Variants in RNF135 observed in about 807,000 individuals in gnomAD.
The protein encoded by RNF135 is E3 ubiquitin-protein ligase RNF135.
In RNF135, 46 loss-of-function variants were observed where a neutral mutation model predicts 41.9. The ratio of observed to expected loss-of-function variants is 1.10; its 90% CI spans 0.87 to 1.40. The LOEUF (loss-of-function observed/expected upper bound fraction) is 1.40. Ranked by LOEUF, RNF135 falls within the 40% of genes most tolerant of loss-of-function variation. The probability of loss-of-function intolerance (pLI) is 0.00; values close to 1 mark genes in which losing one functional copy is unlikely to be tolerated. For missense variants in RNF135, 539 were observed against 549.8 expected (o/e 0.98, Z 0.20); for synonymous variants, 238 against 223.8 (o/e 1.06, Z -0.57).
At chr17:30,983,523 T>C (rs1022400149) in intron 1 of RNF135, among the ~76,000 whole-genome samples, 2 of 150,740 alleles carry the variant, frequency 1.3e-5, no homozygotes, top group Non-Finnish European at 3.0e-5. Context: ...CTGGTGAATT[T>C]TTGTATTTTT....
At chr17:30,983,335 A>T (rs1567743111) in intron 1 of RNF135, among the ~76,000 whole-genome samples, 3 of 25,768 alleles carry the variant, frequency 1.2e-4, no homozygotes, top group African/African-American at 2.0e-4. Flanking sequence ...ATATATATAT[A>T]TATATATATA....
chr17:30,995,816 C>T (rs907059197), intron 3 of RNF135, among the ~76,000 whole-genome samples: 4 of 150,766 alleles, frequency 2.7e-5, no homozygotes, highest in Non-Finnish European at 4.4e-5. Context: ...TGCAGTGGTG[C>T]GATCTTGGCT....
chr17:30,976,852 G>A (rs911946029), intron 1 of RNF135, among the ~76,000 whole-genome samples: 1 of 152,118 alleles, frequency 6.6e-6, no homozygotes, highest in Non-Finnish European at 1.5e-5. Context: ...TGTGTTTCTT[G>A]TAGGGAATAG....
chr17:30,988,194 A>G (rs981304125), intron 3 of RNF135, 88 bp downstream of exon 3: 5 of 1,236,182 alleles, frequency 4.0e-6, no homozygotes, highest in East Asian at 4.9e-5. Flanking sequence ...CTCTGGGGAT[A>G]GGATCCCAGA....
At chr17:30,971,847 G>A in intron 1 of RNF135, 1 of 439,330 alleles carries the variant, frequency 2.3e-6, no homozygotes, top group Non-Finnish European at 3.1e-6. Flanking sequence ...GAGTGCAATG[G>A]CGTGCGTGAT....
At chr17:30,998,639 T>A (rs181258188) in intron 4 of RNF135, 23 bp from the exon 5 acceptor site, 1 of 1,611,298 alleles carries the variant, frequency 6.2e-7, no homozygotes, top group East Asian at 2.2e-5. Flanking sequence ...CATGTTCTTA[T>A]TGTTCTTTTT....
the RNF135 span, among the ~76,000 whole-genome samples, chr17:30,961,681 C>T: frequency 6.6e-6 from 1 of 152,070 alleles, no homozygotes; most frequent in Non-Finnish European, 1.5e-5. Flanking sequence ...CCAGGCTGCT[C>T]TCAAACTCCC....
rs1177816177 is a variant in RNF135, at chr17:30,971,182, G to T, written c.109G>T (p.Gly37Cys). The T allele has an allele frequency of 1.3e-6, 2 of 1,526,560 alleles. No homozygotes were observed. The highest frequency in any genetic ancestry group is 2.4e-5 in the South Asian group (2 of 83,224). The allele number at this position is 1,526,560 out of a possible 1,614,324, so 94.6% of individuals were successfully genotyped here. A position where few individuals can be genotyped will look rare whatever the true frequency, so the allele number is the denominator to read the frequency against. ...GGACTGGCCCGCCACGCTGCCCTGC[G>T]GCCACAGCTTCTGCCGCCACTGCCT... Reference protein sequence around the residue: ...LLDWPATLPCGHSFCRHCLEA... With the variant: ...LLDWPATLPCCHSFCRHCLEA... The change falls in exon 1 of 5, where the codon GGC becomes TGC. Residue 37 changes from glycine (G) to cysteine (C), a missense_variant. Gly to Cys is a radical substitution (Grantham distance 159). Around this residue, in one of 2 missense-constraint regions of RNF135, gnomAD observed 277 missense variants for 212.8 expected, o/e 1.30. Transcript: ENST00000328381.
chr17:30,966,502 T>C (rs1356242954), upstream of RNF135, among the ~76,000 whole-genome samples: 2 of 151,388 alleles, frequency 1.3e-5, no homozygotes, highest in Non-Finnish European at 2.9e-5. Flanking sequence ...TTCAAATTCT[T>C]TTTTTTGTTT....
chr17:30,992,476 T>A (rs1908051920), intron 3 of RNF135, among the ~76,000 whole-genome samples: 1 of 152,092 alleles, frequency 6.6e-6, no homozygotes, highest in South Asian at 2.1e-4. Context: ...GTTTCTTTTT[T>A]ATTTTTTGAG....
At chr17:30,995,596 C>A (rs1345686216) in intron 3 of RNF135, among the ~76,000 whole-genome samples, 1 of 152,118 alleles carries the variant, frequency 6.6e-6, no homozygotes, top group Non-Finnish European at 1.5e-5. Flanking sequence ...TCAACCCCCT[C>A]CTACCTGGCA....
intron 1 of RNF135, among the ~76,000 whole-genome samples, chr17:30,978,199 G>A (rs1906635103): frequency 6.6e-6 from 1 of 152,034 alleles, no homozygotes; most frequent in South Asian, 2.1e-4. Context: ...TATTATAAAT[G>A]CCTTCACATA....
intron 2 of RNF135, 125 bp from the exon 3 acceptor site, chr17:30,987,819 T>C (rs1907696385): frequency 2.1e-6 from 2 of 932,992 alleles, no homozygotes; most frequent in African/African-American, 3.4e-5. Context: ...GGGCCTAATT[T>C]TGTTTTTAAA....
At chr17:30,975,881 A>T in intron 1 of RNF135, 1 of 668,280 alleles carries the variant, frequency 1.5e-6, no homozygotes, top group Non-Finnish European at 2.7e-6. Context: ...CTTCTACCCC[A>T]TTTTGGAATC....
chr17:30,995,874 C>T (rs912538436), intron 3 of RNF135, among the ~76,000 whole-genome samples: 1 of 150,774 alleles, frequency 6.6e-6, no homozygotes, highest in Non-Finnish European at 1.5e-5. Context: ...CCACCTCTGC[C>T]TCCCTAGTAG....
chr17:30,970,461 G>C (rs1905797502), upstream of RNF135: 1 of 152,874 alleles, frequency 6.5e-6, no homozygotes, highest in African/African-American at 2.4e-5. Flanking sequence ...CCTTGAATGC[G>C]CGTCAGAATC....
intron 3 of RNF135, among the ~76,000 whole-genome samples, chr17:30,991,040 G>A (rs887197813): frequency 6.6e-6 from 1 of 152,172 alleles, no homozygotes; most frequent in Non-Finnish European, 1.5e-5. Context: ...CTGGGTCATA[G>A]GGTAAATTCA....
At chr17:30,974,849 T>A (rs990255080) in intron 1 of RNF135, among the ~76,000 whole-genome samples, 1 of 151,980 alleles carries the variant, frequency 6.6e-6, no homozygotes, top group African/African-American at 2.4e-5. Context: ...AGGCTAATTT[T>A]TATATTTTTG....
intron 3 of RNF135, among the ~76,000 whole-genome samples, chr17:30,996,668 A>C (rs1420681600): frequency 6.6e-6 from 1 of 152,108 alleles, no homozygotes; most frequent in Admixed American, 6.6e-5. Flanking sequence ...CAAAGTCTGC[A>C]CTCTAGGACT....
Sources: gnomAD v4.1 joint callset for allele counts (sites outside exome capture counted in the v4.1 genomes callset) on GRCh38, gnomAD v4.1.1 for gene constraint, gnomAD v4.1.1 regional missense constraint, MANE v1.5 for transcripts, NCBI Gene and HGNC (gene_info 2026-07-23, HGNC 2026-07-21) for gene names.